CC2D2A: variants seen among roughly 807,000 people sequenced by gnomAD.
CC2D2A encodes coiled-coil and C2 domain containing 2A, also known as coiled-coil and C2 domain-containing protein 2A.
A neutral mutation model predicts 212.9 loss-of-function variants in CC2D2A; 155 were observed. The ratio of observed to expected loss-of-function variants is 0.73; its 90% CI spans 0.64 to 0.83. The LOEUF (loss-of-function observed/expected upper bound fraction) is 0.83. Ranked by LOEUF, CC2D2A falls within the 40% of genes least tolerant of loss-of-function variation. The pLI is 0.00. For synonymous variants in CC2D2A, 667 were observed against 686.5 expected (o/e 0.97, Z 0.44); for missense variants, 1,856 against 1,956.2 (o/e 0.95, Z 0.97).
intron 1 of CC2D2A, 101 bp from the exon 2 acceptor site, chr4:15,475,814 A>T: frequency 1.1e-6 from 1 of 950,512 alleles, no homozygotes; most frequent in Non-Finnish European, 1.7e-6. Context: ...CAGCTCAAAC[A>T]CTTCACTTAC....
chr4:15,563,316 C>A lies in CC2D2A; in HGVS notation c.3015-39C>A, dbSNP rs752778002. On this transcript the variant is annotated intron_variant, in intron 23 of 36. Coordinates refer to ENST00000424120, the MANE Select transcript of CC2D2A (RefSeq NM_001378615.1). ...TCGTCTCACAATTTTGCAGACCTTT[C>A]TTTTTCTTAGAGTCCTGATCCTGTT... 1.9e-6 allele frequency: 3 copies of A among 1,539,244 alleles called. No homozygotes were observed. In the South Asian group the frequency reaches 3.7e-5, roughly 19 times the overall value.
intron 22 of CC2D2A, among the ~76,000 whole-genome samples, chr4:15,560,108 A>C (rs1006256195): frequency 6.6e-6 from 1 of 152,198 alleles, no homozygotes; most frequent in African/African-American, 2.4e-5. Context: ...CTGGGATTAC[A>C]GGCATGAGCC....
intron 11 of CC2D2A, among the ~76,000 whole-genome samples, chr4:15,523,405 A>G (rs1046837869): frequency 1.3e-5 from 2 of 152,202 alleles, no homozygotes; most frequent in Non-Finnish European, 2.9e-5. Flanking sequence ...TCAGAACTGC[A>G]TACCCACTGG....
chr4:15,528,761 T>C (rs752907802), intron 13 of CC2D2A, 35 bp downstream of exon 13: 17 of 1,450,060 alleles, frequency 1.2e-5, no homozygotes, highest in South Asian at 1.1e-4. Flanking sequence ...CTACTTTTTT[T>C]CCCGTTAGAT....
intron 4 of CC2D2A, among the ~76,000 whole-genome samples, chr4:15,486,316 T>A (rs1424970598): frequency 6.6e-6 from 1 of 152,122 alleles, no homozygotes; most frequent in Non-Finnish European, 1.5e-5. Context: ...CACTTTTTAT[T>A]ACTGCTTCTA....
rs1714583120 is a variant in CC2D2A, at chr4:15,480,753, G to A, written c.173G>A (p.Gly58Asp). The A allele has an allele frequency of 1.2e-6, 2 of 1,612,674 alleles. No homozygotes were observed. The highest frequency in any genetic ancestry group is 1.7e-6 in the Non-Finnish European group (2 of 1,179,414). ...KEMVSEKSHLGNPQEPVQEEP... is the reference protein window; with the variant it reads ...KEMVSEKSHLDNPQEPVQEEP... ...ATGGTGTCCGAAAAATCCCACCTTG[G>A]CAACCCCCAGGAGCCTGTGCAGGAG... Residue 58 changes from glycine to aspartate, a missense_variant, in exon 4 of 37, where the codon GGC becomes GAC. Gly to Asp is a moderately conservative substitution (Grantham distance 94). Coordinates refer to ENST00000424120, the MANE Select transcript of CC2D2A (RefSeq NM_001378615.1).
chr4:15,569,236 G>C (rs958600443), intron 26 of CC2D2A, 57 bp from the exon 27 acceptor site: 6 of 911,842 alleles, frequency 6.6e-6, no homozygotes, highest in Non-Finnish European at 8.7e-6. Flanking sequence ...ACATTTGAAT[G>C]CTCATAATTT....
intron 30 of CC2D2A, among the ~76,000 whole-genome samples, chr4:15,585,510 G>C (rs1281339615): frequency 1.3e-5 from 2 of 152,176 alleles, no homozygotes; most frequent in African/African-American, 4.8e-5. Context: ...CAGATGGAGA[G>C]AGGCTGTTCA....
intron 17 of CC2D2A, among the ~76,000 whole-genome samples, chr4:15,543,282 T>C (rs1038441260): frequency 2.0e-5 from 3 of 152,174 alleles, no homozygotes; most frequent in Non-Finnish European, 4.4e-5. Flanking sequence ...CATATAACTC[T>C]TTAAAGTGCC....
chr4:15,599,736 G>A, intron 36 of CC2D2A, 30 bp downstream of exon 36: 1 of 1,517,558 alleles, frequency 6.6e-7, no homozygotes. Flanking sequence ...TAAACTGACT[G>A]TGGATTTCCT....
chr4:15,481,566 T>C, intron 4 of CC2D2A: 1 of 181,402 alleles, frequency 5.5e-6, no homozygotes, highest in Non-Finnish European at 1.2e-5. Context: ...TCTTGCTCCC[T>C]CTCTCACCAT....
rs116358011 is a variant in CC2D2A, at chr4:15,537,074, C to T, written c.1762C>T (p.Gln588Ter). ...ACAGTGGAAGGCCTGGAGGAAAGTGCAAGTGTGTAAACAAACACTCAGCCT... is the reference window on the plus strand; with the variant it reads ...ACAGTGGAAGGCCTGGAGGAAAGTGTAAGTGTGTAAACAAACACTCAGCCT... ...LQQWKAWRKV[Q>*]RAKKKKRKQA... is the part of the protein sequence containing the mutation. Residue 588 changes from glutamine to a stop codon, truncating the protein, a stop_gained and splice_region_variant, in exon 15 of 37, where the codon CAA becomes TAA. Transcript: ENST00000424120. LOFTEE classifies it high-confidence loss of function. 1.3e-4 allele frequency: 217 copies of T among 1,612,842 alleles called. No individual in the cohort carries two copies. Among genetic ancestry groups the T allele is most frequent in the Non-Finnish European group, 1.6e-5 (19 of 1,179,232 alleles).
intron 11 of CC2D2A, among the ~76,000 whole-genome samples, chr4:15,524,452 T>C (rs1717389059): frequency 8.8e-6 from 1 of 113,534 alleles, no homozygotes; most frequent in Non-Finnish European, 2.0e-5. Context: ...TTTTAATTTT[T>C]TTTTTTTTTT....
chr4:15,515,809 C>T, intron 9 of CC2D2A, 59 bp from the exon 10 acceptor site: 1 of 1,429,434 alleles, frequency 7.0e-7, no homozygotes, highest in Non-Finnish European at 9.4e-7. Flanking sequence ...CACCAAACTG[C>T]AGTTTGAGAT....
chr4:15,576,412 A>G, intron 29 of CC2D2A: 3 of 979,804 alleles, frequency 3.1e-6, no homozygotes, highest in Non-Finnish European at 3.6e-6. Flanking sequence ...ACCATGCCAT[A>G]TGGAACCATT....
intron 35 of CC2D2A, among the ~76,000 whole-genome samples, chr4:15,599,130 C>T (rs998055303): frequency 5.9e-5 from 9 of 152,148 alleles, no homozygotes; most frequent in Non-Finnish European, 7.4e-5. Flanking sequence ...CACTTCAATC[C>T]AGCCTGGGCA....
intron 4 of CC2D2A, among the ~76,000 whole-genome samples, chr4:15,484,568 C>A (rs1043275317): frequency 2.0e-5 from 3 of 151,722 alleles, no homozygotes; most frequent in African/African-American, 7.3e-5. Flanking sequence ...ATGGGACTGG[C>A]GGGTAGTGGA....
intron 23 of CC2D2A, among the ~76,000 whole-genome samples, chr4:15,562,744 G>A (rs1345117843): frequency 6.6e-6 from 1 of 152,244 alleles, no homozygotes. Flanking sequence ...TTAAAGAGGT[G>A]AAATGATTTG....
intron 4 of CC2D2A, among the ~76,000 whole-genome samples, chr4:15,498,236 T>C (rs1049784856): frequency 1.3e-5 from 2 of 152,224 alleles, no homozygotes; most frequent in African/African-American, 2.4e-5. Context: ...CTGTGTCTGA[T>C]GAAAAACATC....
Sources: gnomAD v4.1 joint callset for allele counts (sites outside exome capture counted in the v4.1 genomes callset) on GRCh38, gnomAD v4.1.1 for gene constraint, MANE v1.5 for transcripts, NCBI Gene and HGNC (gene_info 2026-07-23, HGNC 2026-07-21) for gene names.